Variants in LSS observed in about 807,000 individuals in gnomAD.
The protein encoded by LSS is 2,3-epoxysqualene-lanosterol cyclase.
A neutral mutation model predicts 110.3 loss-of-function variants in LSS; 90 were observed. That is an observed-to-expected ratio of 0.82 (90% CI 0.69 to 0.97). The LOEUF is 0.97. Among genes scored for constraint, LSS ranks in the 50% least tolerant of loss-of-function variants. LSS has a pLI of 0.00. For missense variants in LSS, 927 were observed against 990.0 expected (o/e 0.94, Z 0.85); for synonymous variants, 433 against 400.0 (o/e 1.08, Z -0.98).
chr21:46,215,514 A>C (rs185391189), intron 8 of LSS, among the ~76,000 whole-genome samples, 171 bp downstream of exon 8: 25 of 151,950 alleles, frequency 1.6e-4, no homozygotes, highest in African/African-American at 5.8e-4. Context: ...TGAGAGTAGA[A>C]GACCAGCTGG....
chr21:46,210,658 G>A (rs780458872), intron 12 of LSS, 30 bp downstream of exon 12: 1 of 1,611,058 alleles, frequency 6.2e-7, no homozygotes, highest in South Asian at 1.1e-5. Context: ...AAGGTCAGCT[G>A]AGGCTGAGAA....
intron 5 of LSS, among the ~76,000 whole-genome samples, chr21:46,221,540 T>C (rs1201787733): frequency 6.6e-6 from 1 of 152,160 alleles, no homozygotes; most frequent in African/African-American, 2.4e-5. Flanking sequence ...ATTGTTTTTG[T>C]AGAGACCAGG....
chr21:46,216,383 T>TC lies in LSS; in HGVS notation c.783+5dup, dbSNP rs2080207068. 1.9e-6 allele frequency: 3 copies of TC among 1,613,644 alleles called. No individual in the cohort carries two copies. Among genetic ancestry groups the TC allele is most frequent in the Non-Finnish European group, 2.5e-6 (3 of 1,179,988 alleles). The stretch of plus-strand genomic sequence containing the variant: ...GCCTTCACTTTGTTCCCTGATGAGG[T>TC]CCTACCTGGCGGAGGCTCTGGACCA... On this transcript the variant is annotated splice_donor_region_variant and intron_variant, in intron 7 of 21. Coordinates refer to ENST00000397728, the MANE Select transcript of LSS (RefSeq NM_002340.6). The surrounding 1 kb of genome is among the most constrained non-coding windows in gnomAD (Gnocchi z 4.2).
rs1313697781 is a variant in LSS at position 46,191,817 on chromosome 21, GA to G, written c.2067+63del. The G allele has an allele frequency of 6.5e-6, 9 of 1,394,670 alleles. No individual in the cohort carries two copies. The African/African-American group carries it at 1.3e-4, about 20-fold the overall frequency. 86.4% of individuals were successfully genotyped at this position (1,394,670 alleles called of 1,614,324 possible). ...AAAGGACACAGAGCAGGGGGACGTG[GA>G]AACAGCCATGCACGCTGGAGGTCAG... On this transcript the variant is annotated intron_variant, in intron 21 of 21. Coordinates refer to ENST00000397728, the MANE Select transcript of LSS (RefSeq NM_002340.6).
chr21:46,219,331 G>T, intron 6 of LSS, 145 bp downstream of exon 6: 2 of 529,234 alleles, frequency 3.8e-6, no homozygotes. Flanking sequence ...CTTGATCAGG[G>T]CCTCTGCCAG....
intron 17 of LSS, among the ~76,000 whole-genome samples, chr21:46,198,043 T>C (rs932574575): frequency 6.6e-6 from 1 of 152,054 alleles, no homozygotes; most frequent in African/African-American, 2.4e-5. Context: ...TATATAATCA[T>C]CTCAAAGCAG....
In LSS at chr21:46,219,497, T is replaced by C. The variant is rs766810560; in HGVS notation, c.626A>G (p.Asn209Ser). Residue 209 changes from asparagine to serine, a missense_variant, in exon 6 of 22, where the codon AAT becomes AGT. Transcript: ENST00000397728. The part of the protein sequence containing the change: ...VLNVYSWEGL[N>S]TLFPEMWLFP... The stretch of plus-strand genomic sequence containing the variant: ...ATACCACATCTCTGGGAACAGGGTA[T>C]TGAGGCCTTCCCAGCTGTAAACATT... 2 of 1,600,930 alleles carry C rather than the reference T, an allele frequency of 1.2e-6. No individual in the cohort carries two copies. Among genetic ancestry groups the C allele is most frequent in the Non-Finnish European group, 1.7e-6 (2 of 1,173,766 alleles).
intron 21 of LSS, among the ~76,000 whole-genome samples, chr21:46,191,512 G>A (rs1380590130): frequency 6.6e-6 from 1 of 152,174 alleles, no homozygotes; most frequent in African/African-American, 2.4e-5. Flanking sequence ...TCATCCCAGG[G>A]GAGGGCGGTT....
chr21:46,224,171 A>G (rs1470768371), intron 3 of LSS, among the ~76,000 whole-genome samples: 2 of 152,058 alleles, frequency 1.3e-5, no homozygotes, highest in African/African-American at 4.8e-5. Context: ...AAATAATGGC[A>G]TAAGTTGTCT....
intron 6 of LSS, 106 bp downstream of exon 6, chr21:46,219,369 GC>G: frequency 3.7e-6 from 2 of 534,138 alleles, no homozygotes; most frequent in South Asian, 2.6e-5. Flanking sequence ...CCCACAGAAT[GC>G]CCACCCCTCT....
intron 17 of LSS, among the ~76,000 whole-genome samples, chr21:46,204,564 A>C (rs1257144848): frequency 6.6e-6 from 1 of 152,014 alleles, no homozygotes; most frequent in Non-Finnish European, 1.5e-5. Context: ...TCAGTCCTAT[A>C]AACTATTAAA....
intron 15 of LSS, 115 bp downstream of exon 15, chr21:46,207,313 T>C (rs990294733): frequency 1.4e-5 from 18 of 1,298,692 alleles, no homozygotes; most frequent in African/African-American, 1.3e-4. Flanking sequence ...AAGGACAAGC[T>C]CCTACGGCCT....
chr21:46,206,233 G>A (rs1174799966), intron 16 of LSS, among the ~76,000 whole-genome samples: 2 of 152,200 alleles, frequency 1.3e-5, no homozygotes, highest in African/African-American at 4.8e-5. Context: ...GGTGGACCAG[G>A]GCTGAGATCC....
At chr21:46,196,118 G>A in intron 18 of LSS, 84 bp downstream of exon 18, 1 of 1,366,912 alleles carries the variant, frequency 7.3e-7, no homozygotes, top group African/African-American at 1.4e-5. Flanking sequence ...CAACATACAA[G>A]CCAACATTTA....
chr21:46,220,651 C>A (rs899516937), intron 5 of LSS, among the ~76,000 whole-genome samples: 1 of 152,176 alleles, frequency 6.6e-6, no homozygotes, highest in Admixed American at 6.5e-5. Context: ...TGCAGAGCCA[C>A]AACATAAACT....
intron 17 of LSS, among the ~76,000 whole-genome samples, chr21:46,200,299 A>G (rs1353692519): frequency 6.6e-6 from 1 of 152,216 alleles, no homozygotes; most frequent in Admixed American, 6.5e-5. Flanking sequence ...TAATTGATTC[A>G]GGCAAGAATC....
intron 18 of LSS, 54 bp downstream of exon 18, chr21:46,196,148 C>G: frequency 6.5e-7 from 1 of 1,545,966 alleles, no homozygotes; most frequent in Admixed American, 1.7e-5. Context: ...TGTGTGAGAG[C>G]AGAAACCTGT....
intron 6 of LSS, among the ~76,000 whole-genome samples, chr21:46,218,298 T>A (rs898663317): frequency 3.3e-5 from 5 of 151,822 alleles, no homozygotes; most frequent in African/African-American, 1.2e-4. Context: ...TGGGGAGATG[T>A]CCACTGCTTT....
In LSS at chr21:46,191,508, C is replaced by T. The variant is rs117082075; in HGVS notation, c.2068-273G>A. On this transcript the variant is annotated intron_variant, in intron 21 of 21. Transcript: ENST00000397728. Reference sequence around the variant, plus strand: ...AGCTTCCACCAACTCAGCCTCATCCCAGGGGAGGGCGGTTGGCCTCACATG... The same window carrying T: ...AGCTTCCACCAACTCAGCCTCATCCTAGGGGAGGGCGGTTGGCCTCACATG... 4.7e-3 allele frequency among the ~76,000 whole-genome samples: 722 copies of T among 152,324 alleles called. 27 individuals carry two copies. The South Asian group carries it at 0.079, about 17-fold the overall frequency.
Sources: gnomAD v4.1 joint callset for allele counts (sites outside exome capture counted in the v4.1 genomes callset) on GRCh38, gnomAD v4.1.1 for gene constraint, Gnocchi (gnomAD v3.1) non-coding constraint, MANE v1.5 for transcripts, NCBI Gene and HGNC (gene_info 2026-07-23, HGNC 2026-07-21) for gene names.